Variants in TMCC1 observed in about 807,000 individuals in gnomAD.
TMCC1 encodes the protein transmembrane and coiled-coil domain family 1, also known as transmembrane and coiled-coil domains protein 1.
TMCC1 carries 15 observed loss-of-function variants against 52.4 expected under a neutral mutation model. That is an observed-to-expected ratio of 0.29 (90% confidence interval 0.19 to 0.44). TMCC1 has a LOEUF of 0.44. Ranked by LOEUF, TMCC1 falls within the 20% of genes least tolerant of loss-of-function variation. TMCC1 has a pLI of 1.00. For missense variants in TMCC1, 503 were observed against 806.0 expected, an observed-to-expected ratio of 0.62 and a Z score of 4.55; for synonymous variants, 279 against 301.9, an observed-to-expected ratio of 0.92 and a Z score of 0.79.
chr3:129,876,874 G>A (rs976463351), intron 2 of TMCC1, among the ~76,000 whole-genome samples: 13 of 152,072 alleles, frequency 8.5e-5, no homozygotes, highest in Non-Finnish European at 1.3e-4. Flanking sequence ...GGAGAATGGT[G>A]TGAAACTGGG....
intron 4 of TMCC1, among the ~76,000 whole-genome samples, chr3:129,680,978 T>G (rs1197329305): frequency 6.6e-6 from 1 of 152,022 alleles, no homozygotes; most frequent in African/African-American, 2.4e-5. Context: ...CTCCTAAAAT[T>G]TATTAACTAT....
intron 2 of TMCC1, among the ~76,000 whole-genome samples, chr3:129,876,690 C>G (rs986738353): frequency 8.5e-5 from 13 of 152,100 alleles, no homozygotes; most frequent in African/African-American, 3.1e-4. Flanking sequence ...CGCGGTGGCT[C>G]ACGCCTGTAA....
chr3:129,788,714 C>T (rs2056229521), intron 4 of TMCC1, among the ~76,000 whole-genome samples: 2 of 152,020 alleles, frequency 1.3e-5, no homozygotes, highest in South Asian at 2.1e-4. Flanking sequence ...GTGATCCGCC[C>T]GTCTTGGCCT....
At chr3:129,826,654 G>A (rs778057548) in intron 4 of TMCC1, among the ~76,000 whole-genome samples, 32 of 151,812 alleles carry the variant, frequency 2.1e-4, no homozygotes, top group South Asian at 1.5e-3. Flanking sequence ...TATTTAGGTA[G>A]GAAAGGTTTA....
chr3:129,825,972 T>A (rs1433043566), intron 4 of TMCC1, among the ~76,000 whole-genome samples: 2 of 152,194 alleles, frequency 1.3e-5, no homozygotes, highest in African/African-American at 4.8e-5. Flanking sequence ...GAAACAATGT[T>A]ATGAAAAAAG....
intron 1 of TMCC1, among the ~76,000 whole-genome samples, chr3:129,892,264 G>A (rs1283302065): frequency 6.6e-6 from 1 of 152,140 alleles, no homozygotes; most frequent in Non-Finnish European, 1.5e-5. Context: ...CAGACCAGAA[G>A]CAGCTTTTTA....
intron 2 of TMCC1, among the ~76,000 whole-genome samples, chr3:129,868,640 T>C (rs1436390893): frequency 1.3e-5 from 2 of 152,214 alleles, no homozygotes; most frequent in African/African-American, 4.8e-5. Context: ...GGTTTCACCA[T>C]GTTGGCCAGG....
At chr3:129,767,106 C>T (rs577429417) in intron 4 of TMCC1, among the ~76,000 whole-genome samples, 2 of 151,758 alleles carry the variant, frequency 1.3e-5, no homozygotes, top group East Asian at 3.9e-4. Flanking sequence ...TACAAAAATA[C>T]AAAGATTAGC....
rs149174926 is a variant in TMCC1 at position 129,736,301 on chromosome 3, G to A, written c.577-65037C>T. Among the ~76,000 whole-genome samples, 201 of 152,262 alleles carry A rather than the reference G, an allele frequency of 1.3e-3. 1 individual carries two copies. Among genetic ancestry groups the A allele is most frequent in the African/African-American group, 4.4e-3 (184 of 41,544 alleles). ...AACTGGCAGGACATACCTGTATCCC[G>A]TGCAGAGCCTGCCAGAATGCTACAC... On this transcript the variant is annotated intron_variant, in intron 4 of 6. Transcript: ENST00000393238.
rs762146015 is a variant in TMCC1, at chr3:129,670,501, G to C, written c.1340C>G (p.Ser447Cys). 1 of 1,614,180 alleles carries C rather than the reference G, an allele frequency of 6.2e-7. No individual in the cohort carries two copies. Among genetic ancestry groups the C allele is most frequent in the East Asian group, 2.2e-5 (1 of 44,876 alleles). Reference protein sequence around the residue: ...TGGIAVGASSSKTNTLDMQSS... With the variant: ...TGGIAVGASSCKTNTLDMQSS... ...CTGCATGTCCAGGGTGTTTGTTTTGGAGCTGGATGCTCCTACAGCGATGCC... is the reference window on the plus strand; with the variant it reads ...CTGCATGTCCAGGGTGTTTGTTTTGCAGCTGGATGCTCCTACAGCGATGCC... Residue 447 changes from serine to cysteine, a missense_variant, in exon 5 of 7, where the codon TCC (serine) becomes TGC (cysteine). Physicochemically the swap from Ser to Cys is moderately radical, Grantham distance 112 (BLOSUM62 -1). Coordinates refer to ENST00000393238, the MANE Select transcript of TMCC1 (RefSeq NM_001017395.5).
intron 1 of TMCC1, among the ~76,000 whole-genome samples, chr3:129,890,128 T>A (rs749076699): frequency 6.6e-6 from 1 of 151,868 alleles, no homozygotes; most frequent in East Asian, 1.9e-4. Flanking sequence ...ATAATATCTT[T>A]AAAAAAAAGA....
At chr3:129,753,947 CA>C (rs140879279) in intron 4 of TMCC1, among the ~76,000 whole-genome samples, 14,237 of 136,198 alleles carry the variant, frequency 0.1, 751 homozygotes, top group Middle Eastern at 0.16. Context: ...TAAGAATCTA[CA>C]AAAAAAAAAA....
In TMCC1 at chr3:129,723,803, T is replaced by C. The variant is rs949843831; in HGVS notation, c.577-52539A>G. On this transcript the variant is annotated intron_variant, in intron 4 of 6. Transcript: ENST00000393238. ...GCAAATGCCCCTGGCTGAGATCTAC[T>C]GCTGAAAAACGCTAAGTTTCAGCAG... Among the ~76,000 whole-genome samples the C allele has an allele frequency of 6.6e-5, 10 of 152,302 alleles. 2 individuals are homozygous for C. Among genetic ancestry groups the C allele is most frequent in the Admixed American group, 5.9e-4 (9 of 15,286 alleles).
chr3:129,849,559 T>G (rs890828175), intron 2 of TMCC1, among the ~76,000 whole-genome samples: 2 of 150,556 alleles, frequency 1.3e-5, no homozygotes, highest in African/African-American at 2.4e-5. Context: ...GGTCAGGAGA[T>G]CGAGACCATC....
At chr3:129,794,083 A>G (rs2056651996) in intron 4 of TMCC1, among the ~76,000 whole-genome samples, 1 of 152,224 alleles carries the variant, frequency 6.6e-6, no homozygotes, top group Admixed American at 6.5e-5. Context: ...GCAAACTACA[A>G]CTTTGCCCAA....
chr3:129,749,590 C>T (rs549428748), intron 4 of TMCC1, among the ~76,000 whole-genome samples: 2 of 152,082 alleles, frequency 1.3e-5, no homozygotes, highest in South Asian at 4.1e-4. Context: ...TTTTTGATTT[C>T]AGGTCAAAAA....
chr3:129,731,577 C>CTAAA (rs914384945), intron 4 of TMCC1, among the ~76,000 whole-genome samples: 18 of 152,028 alleles, frequency 1.2e-4, no homozygotes, highest in East Asian at 3.9e-4. Flanking sequence ...GACTCCGTCT[C>CTAAA]TAAATAAATA....
At chr3:129,866,379 T>G (rs867497466) in intron 2 of TMCC1, among the ~76,000 whole-genome samples, 69 of 119,298 alleles carry the variant, frequency 5.8e-4, no homozygotes, top group Non-Finnish European at 1.0e-3. Context: ...TATATATATG[T>G]TTTTTTTTTT....
At chr3:129,684,712 T>C (rs1560185678) in intron 4 of TMCC1, among the ~76,000 whole-genome samples, 1 of 152,180 alleles carries the variant, frequency 6.6e-6, no homozygotes, top group South Asian at 2.1e-4. Flanking sequence ...AAGTATATGA[T>C]AAAAGGGACG....
Sources: allele counts gnomAD v4.1 joint callset (sites outside exome capture counted in the v4.1 genomes callset), GRCh38; gene constraint gnomAD v4.1.1; transcripts MANE v1.5; gene names NCBI Gene and HGNC (gene_info 2026-07-23, HGNC 2026-07-21).